ASH1L: variants seen among roughly 807,000 people sequenced by gnomAD.
The protein encoded by ASH1L is histone-lysine N-methyltransferase ASH1L.
In ASH1L, 23 loss-of-function variants were observed where a neutral mutation model predicts 269.0. The ratio of observed to expected loss-of-function variants is 0.09; its 90% CI spans 0.06 to 0.12. The LOEUF (loss-of-function observed/expected upper bound fraction) is 0.12. Ranked by LOEUF, ASH1L falls within the 10% of genes least tolerant of loss-of-function variation. The pLI, the probability that ASH1L is intolerant of heterozygous loss-of-function variation, is 1.00. For synonymous variants in ASH1L, 1,187 were observed against 1,253.5 expected, an observed-to-expected ratio of 0.95 and a Z score of 1.12; for missense variants, 2,912 against 3,567.8, an observed-to-expected ratio of 0.82 and a Z score of 4.68.
chr1:155,463,892 G>C (rs1032372916), intron 3 of ASH1L, among the ~76,000 whole-genome samples: 1 of 152,084 alleles, frequency 6.6e-6, no homozygotes, highest in Non-Finnish European at 1.5e-5. Context: ...CTTAAACATA[G>C]AGTGAATCCA....
chr1:155,397,693 G>T (rs73008987), intron 6 of ASH1L, among the ~76,000 whole-genome samples: 280 of 152,152 alleles, frequency 1.8e-3, no homozygotes, highest in African/African-American at 6.6e-3. Context: ...TGGGATTACA[G>T]ATGCCAACTA....
intron 2 of ASH1L, among the ~76,000 whole-genome samples, chr1:155,505,302 A>C (rs1667740046): frequency 6.6e-6 from 1 of 152,208 alleles, no homozygotes; most frequent in Non-Finnish European, 1.5e-5. Context: ...AATTTTAAGC[A>C]TGAGCCCTTC....
chr1:155,476,108 C>T (rs750504109), intron 3 of ASH1L, among the ~76,000 whole-genome samples: 3 of 152,076 alleles, frequency 2.0e-5, no homozygotes, highest in African/African-American at 2.4e-5. Context: ...AAAAGCTGGC[C>T]GGGTGCAGTG....
intron 6 of ASH1L, among the ~76,000 whole-genome samples, chr1:155,408,166 C>T (rs770930379): frequency 7.2e-5 from 11 of 152,120 alleles, no homozygotes; most frequent in Middle Eastern, 3.2e-3. Context: ...GGAATACAGC[C>T]CCAGCCTCGG....
intron 3 of ASH1L, among the ~76,000 whole-genome samples, chr1:155,477,273 ATTTC>A (rs1570930458): frequency 6.6e-6 from 1 of 152,154 alleles, no homozygotes. Context: ...CATTTTCCAG[ATTTC>A]TTTTTTTTCT....
rs1231928957 is a variant in ASH1L at position 155,479,847 on chromosome 1, G to A, written c.3023C>T (p.Ser1008Leu). 1 of 1,613,596 alleles carries A rather than the reference G, an allele frequency of 6.2e-7. No individual in the cohort carries two copies. The highest frequency in any genetic ancestry group is 2.2e-5 in the East Asian group (1 of 44,898). The change falls in exon 3 of 28, where the codon TCA (serine) becomes TTA (leucine). Residue 1008 changes from serine to leucine, a missense_variant. Coordinates refer to ENST00000392403, the MANE Select transcript of ASH1L (RefSeq NM_018489.3). ...GGATTGCACTTTCCCTTTATTACTT[G>A]ATTCTACAGAACTTGAAAGAATCTG... ...LNQILSSSVE[S>L]SNKGKVQSKL... is the part of the protein sequence containing the mutation.
rs1343323657 is a variant in ASH1L at position 155,337,568 on chromosome 1, C to T, written c.*92G>A. On this transcript the variant is annotated 3_prime_UTR_variant, in exon 28 of 28. Transcript: ENST00000392403. ...CCCCATTCCCCTTGCCCAGATGGAC[C>T]CTTCCCACCCCTGTCTATACCCAGA... 1.9e-6 allele frequency: 2 copies of T among 1,079,994 alleles called. No individual in the cohort carries two copies. The highest frequency in any genetic ancestry group is 4.8e-5 in the East Asian group (2 of 42,062). 66.9% of individuals were successfully genotyped at this position (1,079,994 alleles called of 1,614,324 possible).
At chr1:155,385,388 G>A (rs780989646) in intron 7 of ASH1L, among the ~76,000 whole-genome samples, 38 of 152,130 alleles carry the variant, frequency 2.5e-4, no homozygotes, top group Non-Finnish European at 4.4e-4. Flanking sequence ...AGGCTACGGT[G>A]GGCAGAGATT....
At chr1:155,541,300 CTT>C (rs1278623912) in intron 1 of ASH1L, among the ~76,000 whole-genome samples, 2 of 151,978 alleles carry the variant, frequency 1.3e-5, no homozygotes, top group Admixed American at 6.6e-5. Flanking sequence ...CAAAATGAAA[CTT>C]AAAATATTAA....
chr1:155,344,989 G>A (rs1213350139), intron 21 of ASH1L, among the ~76,000 whole-genome samples: 3 of 151,544 alleles, frequency 2.0e-5, no homozygotes, highest in Non-Finnish European at 4.4e-5. Context: ...ATGGAGTCTC[G>A]CTCTGTTGGC....
chr1:155,374,525 G>T lies in ASH1L; in HGVS notation c.6333-3542C>A, dbSNP rs575624349. Among the ~76,000 whole-genome samples, 3 of 152,264 alleles carry T rather than the reference G, an allele frequency of 2.0e-5. No individual in the cohort carries two copies. The South Asian group carries it at 6.2e-4, about 32-fold the overall frequency. On this transcript the variant is annotated intron_variant, in intron 10 of 27. Transcript: ENST00000392403. ...ATTATTCTTCAATTTAAGATAATCAGCTTCAGCTGTAAAGAAGACAGTGCC... is the reference window on the plus strand; with the variant it reads ...ATTATTCTTCAATTTAAGATAATCATCTTCAGCTGTAAAGAAGACAGTGCC...
chr1:155,411,283 A>G (rs1173421929), intron 6 of ASH1L, among the ~76,000 whole-genome samples: 2 of 152,070 alleles, frequency 1.3e-5, no homozygotes, highest in East Asian at 1.9e-4. Context: ...AAACTGATCA[A>G]TGTTCTTAAA....
chr1:155,377,170 G>A (rs1181623096), intron 10 of ASH1L, among the ~76,000 whole-genome samples: 1 of 151,764 alleles, frequency 6.6e-6, no homozygotes, highest in African/African-American at 2.4e-5. Context: ...GCCTCCCAAA[G>A]TGCTTGGATT....
intron 19 of ASH1L, among the ~76,000 whole-genome samples, chr1:155,349,061 A>C (rs776129320): frequency 6.6e-6 from 1 of 152,018 alleles, no homozygotes; most frequent in Non-Finnish European, 1.5e-5. Context: ...CGCAGTCATA[A>C]AGGTTTAATA....
intron 4 of ASH1L, among the ~76,000 whole-genome samples, chr1:155,451,520 G>C (rs1248363508): frequency 6.6e-6 from 1 of 152,016 alleles, no homozygotes; most frequent in African/African-American, 2.4e-5. Flanking sequence ...AGCACTTTGG[G>C]AGGCCAAGGC....
At chr1:155,490,968 CAAAAAAAAAAAAAAAAAAAAAAAAAAAA>C (rs767615285) in intron 2 of ASH1L, among the ~76,000 whole-genome samples, 788 of 61,404 alleles carry the variant, frequency 0.013, 22 homozygotes, top group African/African-American at 0.05. Flanking sequence ...ACCCTGATTC[CAAAAAAAAAAAAAAAAAAAAAAAAAAAA>C]AAAAAAAAAA....
Position 155,479,666 on chromosome 1 carries a change from A to G in ASH1L, c.3204T>C (p.Thr1068=), listed in dbSNP as rs1665815752. Residue 1068 remains threonine (T), a synonymous_variant, in exon 3 of 28, where the codon ACT becomes ACC. Transcript: ENST00000392403. ...CTGTTTGCTCAAGAACAGCAAGGCT[A>G]GTAGGACTACCAGAAAGAATACCAT... is the stretch of plus-strand genomic sequence containing the variant. The part of the protein sequence containing the change: ...VLNGILSGSP[T]SLAVLEQTAQ... 1 of 1,614,238 alleles carries G rather than the reference A, an allele frequency of 6.2e-7. No individual in the cohort carries two copies. The highest frequency in any genetic ancestry group is 2.2e-5 in the East Asian group (1 of 44,894).
chr1:155,457,322 T>A (rs1663933404), intron 4 of ASH1L, among the ~76,000 whole-genome samples: 1 of 152,206 alleles, frequency 6.6e-6, no homozygotes, highest in Admixed American at 6.5e-5. Context: ...CCATATATGA[T>A]ATAGTCCCCA....
chr1:155,375,807 A>AG (rs1656386758), intron 10 of ASH1L, among the ~76,000 whole-genome samples: 1 of 150,692 alleles, frequency 6.6e-6, no homozygotes, highest in African/African-American at 2.4e-5. Context: ...TCAAAAAAAA[A>AG]AAAGAAAAAT....
Sources: allele counts gnomAD v4.1 joint callset (sites outside exome capture counted in the v4.1 genomes callset), GRCh38; gene constraint gnomAD v4.1.1; transcripts MANE v1.5; gene names NCBI Gene and HGNC (gene_info 2026-07-23, HGNC 2026-07-21).